VWA5A: variants seen among roughly 807,000 people sequenced by gnomAD.
VWA5A encodes von Willebrand factor A domain-containing protein 5A.
In VWA5A, 77 loss-of-function variants were observed where a neutral mutation model predicts 84.6. That is an observed-to-expected ratio of 0.91 (90% CI 0.76 to 1.10). The LOEUF (loss-of-function observed/expected upper bound fraction) is 1.10, where lower values mean the gene tolerates loss of function less well. VWA5A is among the 50% of genes least tolerant of loss of function. The pLI is 0.00. For synonymous variants in VWA5A, 334 were observed against 350.1 expected (o/e 0.95, Z 0.51); for missense variants, 973 against 963.0 (o/e 1.01, Z -0.14).
At chr11:124,123,247 T>C (rs1864960647) in intron 8 of VWA5A, 118 bp downstream of exon 8, 3 of 1,522,676 alleles carry the variant, frequency 2.0e-6, no homozygotes, top group Middle Eastern at 3.5e-4. Flanking sequence ...GAGGCTAGCC[T>C]TGGAATGTAA....
At chr11:124,121,985 T>C (rs1312915446) in intron 7 of VWA5A, among the ~76,000 whole-genome samples, 1 of 152,166 alleles carries the variant, frequency 6.6e-6, no homozygotes, top group African/African-American at 2.4e-5. Context: ...TGAACTAGTG[T>C]CCTATCATAT....
intron 15 of VWA5A, among the ~76,000 whole-genome samples, chr11:124,140,989 T>C (rs1006242755): frequency 2.0e-5 from 3 of 152,226 alleles, no homozygotes; most frequent in Admixed American, 2.0e-4. Context: ...TCATTGGATT[T>C]GATGAAGTTG....
intron 8 of VWA5A, 103 bp from the exon 9 acceptor site, chr11:124,123,263 C>T: frequency 6.6e-7 from 1 of 1,516,674 alleles, no homozygotes. Flanking sequence ...TGTAAGAAGG[C>T]ACAAGGTGGG....
intron 17 of VWA5A, 85 bp from the exon 18 acceptor site, chr11:124,145,152 G>C: frequency 1.7e-5 from 25 of 1,492,686 alleles, no homozygotes; most frequent in Non-Finnish European, 2.2e-5. Context: ...CATTTAGAAG[G>C]ATGCTAAGTG....
At position 124,123,189 on chromosome 11, in the gene VWA5A, G is replaced by C. The variant is rs189295684; in HGVS notation, c.930+60G>C. On this transcript the variant is annotated intron_variant, in intron 8 of 18. Coordinates refer to ENST00000456829, the MANE Select transcript of VWA5A (RefSeq NM_001130142.2). ...GCTCAAGTGAGGATGAATCTGAGGG[G>C]TTAAATAAGGGTCTATCTGGAGCCT... The C allele has an allele frequency of 8.3e-6, 13 of 1,571,214 alleles. No individual in the cohort carries two copies. In the African/African-American group the frequency reaches 1.8e-4, roughly 21 times the overall value.
In VWA5A at chr11:124,142,586, G is replaced by T. The variant is rs1376027798; in HGVS notation, c.2154+14G>T. On this transcript the variant is annotated intron_variant, in intron 17 of 18. Coordinates refer to ENST00000456829, the MANE Select transcript of VWA5A (RefSeq NM_001130142.2). The stretch of plus-strand genomic sequence containing the variant: ...CAGCCTGCCGAGGTAAGATTCAATG[G>T]AAAAAGGAGTATGTATGTTTTTGAG... 6.2e-7 allele frequency: 1 copy of T among 1,612,580 alleles called. No homozygotes were observed. The highest frequency in any genetic ancestry group is 1.1e-5 in the South Asian group (1 of 90,912).
At chr11:124,123,324 G>A (rs371595309) in intron 8 of VWA5A, 42 bp from the exon 9 acceptor site, 19 of 1,588,684 alleles carry the variant, frequency 1.2e-5, no homozygotes, top group African/African-American at 4.1e-5. Flanking sequence ...GTGTTTTGGC[G>A]AGCCTCTCTC....
rs1471987212 is a variant in VWA5A, at chr11:124,132,508, T to C, written c.1245-2412T>C. On this transcript the variant is annotated intron_variant, in intron 11 of 18. Transcript: ENST00000456829. Reference sequence around the variant, plus strand: ...ATGTGTTCTTATTTTTTATAAAAGTTTGTATATTTTATTGAAGTTCTTTGC... The same window carrying C: ...ATGTGTTCTTATTTTTTATAAAAGTCTGTATATTTTATTGAAGTTCTTTGC... 2.0e-5 allele frequency among the ~76,000 whole-genome samples: 3 copies of C among 152,204 alleles called. No homozygotes were observed. The East Asian group carries it at 5.8e-4, about 29-fold the overall frequency.
intron 11 of VWA5A, among the ~76,000 whole-genome samples, chr11:124,129,481 A>G (rs1190445554): frequency 6.6e-6 from 1 of 152,144 alleles, no homozygotes; most frequent in East Asian, 1.9e-4. Flanking sequence ...TATTAAGATG[A>G]TGCTGGCTTC....
intron 11 of VWA5A, chr11:124,124,556 G>T (rs955480029): frequency 8.1e-7 from 1 of 1,236,684 alleles, no homozygotes; most frequent in Non-Finnish European, 1.0e-6. Context: ...CACAAGAATT[G>T]AATAGTAAGA....
At position 124,123,726 on chromosome 11, in the gene VWA5A, C is replaced by A; in HGVS notation, c.1086C>A (p.Ala362=). 3 of 1,613,036 alleles carry A rather than the reference C, an allele frequency of 1.9e-6. No individual in the cohort carries two copies. Among genetic ancestry groups the A allele is most frequent in the Non-Finnish European group, 2.5e-6 (3 of 1,179,638 alleles). ...EALGRVKLMQ[A]DLGGTEILAP... ...TGGGGAGAGTGAAGCTTATGCAGGCCGACCTAGGGGGCACTGAAATCTTGG... is the reference window on the plus strand; with the variant it reads ...TGGGGAGAGTGAAGCTTATGCAGGCAGACCTAGGGGGCACTGAAATCTTGG... Residue 362 remains alanine (A), a synonymous_variant, in exon 10 of 19, where the codon GCC becomes GCA. Coordinates refer to ENST00000456829, the MANE Select transcript of VWA5A (RefSeq NM_001130142.2).
At chr11:124,131,552 C>G (rs1380501670) in intron 11 of VWA5A, among the ~76,000 whole-genome samples, 4 of 151,194 alleles carry the variant, frequency 2.6e-5, no homozygotes, top group African/African-American at 9.7e-5. Flanking sequence ...AAATTGTTTC[C>G]CTAGGTGTTT....
chr11:124,131,660 A>G (rs1043506400), intron 11 of VWA5A, among the ~76,000 whole-genome samples: 1 of 151,944 alleles, frequency 6.6e-6, no homozygotes, highest in Non-Finnish European at 1.5e-5. Flanking sequence ...CTTGACTTGT[A>G]TTTAATGATG....
chr11:124,120,250 T>C (rs777878348), intron 7 of VWA5A, among the ~76,000 whole-genome samples: 30 of 152,234 alleles, frequency 2.0e-4, no homozygotes, highest in Non-Finnish European at 2.8e-4. Context: ...ATGCACTCTT[T>C]CTTGGAATTT....
intron 2 of VWA5A, chr11:124,117,252 G>A: frequency 1.8e-6 from 1 of 566,158 alleles, no homozygotes; most frequent in Non-Finnish European, 3.1e-6. Context: ...CAGCCTCAGG[G>A]TGTTTCAGAG....
intron 15 of VWA5A, among the ~76,000 whole-genome samples, chr11:124,139,224 T>TG (rs1491125731): frequency 0.014 from 1,816 of 127,258 alleles, 21 homozygotes; most frequent in Middle Eastern, 0.052. Flanking sequence ...CAGCATTTTG[T>TG]TTGTGTGTGT....
chr11:124,138,140 A>AT (rs1167788778), intron 15 of VWA5A, among the ~76,000 whole-genome samples: 2 of 152,178 alleles, frequency 1.3e-5, no homozygotes, highest in Non-Finnish European at 2.9e-5. Context: ...AAATAACAGA[A>AT]TTTTGTTCTT....
At chr11:124,141,540 C>A (rs1422188641) in intron 15 of VWA5A, 58 bp from the exon 16 acceptor site, 2 of 1,597,268 alleles carry the variant, frequency 1.3e-6, no homozygotes, top group South Asian at 1.1e-5. Context: ...TTGTCACAGT[C>A]CTTTGCCCAC....
intron 15 of VWA5A, among the ~76,000 whole-genome samples, chr11:124,139,836 T>C (rs775271064): frequency 3.4e-4 from 52 of 152,194 alleles, no homozygotes; most frequent in Non-Finnish European, 3.7e-4. Context: ...CAGTACTATA[T>C]TGAATAGAAG....
Sources: gnomAD v4.1 joint callset for allele counts (sites outside exome capture counted in the v4.1 genomes callset) on GRCh38, gnomAD v4.1.1 for gene constraint, MANE v1.5 for transcripts, NCBI Gene and HGNC (gene_info 2026-07-23, HGNC 2026-07-21) for gene names.